ESYT2: variants seen among roughly 807,000 people sequenced by gnomAD.
The protein encoded by ESYT2 is extended synaptotagmin 2.
ESYT2 carries 54 observed loss-of-function variants against 107.2 expected under a neutral mutation model. That is an observed-to-expected ratio of 0.50 (90% confidence interval 0.40 to 0.63). ESYT2 has a LOEUF of 0.63. ESYT2 is among the 30% of genes least tolerant of loss of function. ESYT2 has a pLI of 0.00. For synonymous variants in ESYT2, 491 were observed against 434.1 expected (o/e 1.13, Z -1.63); for missense variants, 1,020 against 1,094.5 (o/e 0.93, Z 0.96).
intron 21 of ESYT2, among the ~76,000 whole-genome samples, chr7:158,734,672 C>T (rs1420032613): frequency 6.6e-6 from 1 of 152,206 alleles, no homozygotes; most frequent in East Asian, 1.9e-4. Context: ...GCACCTTGGT[C>T]CCAGCAACTC....
intron 14 of ESYT2, 139 bp from the exon 15 acceptor site, chr7:158,749,862 T>C (rs1394946770): frequency 2.6e-6 from 2 of 759,906 alleles, no homozygotes; most frequent in South Asian, 1.9e-5. Context: ...GGGAACAATT[T>C]AATGGGAAAA....
chr7:158,758,731 A>G (rs1019423664), intron 13 of ESYT2, among the ~76,000 whole-genome samples: 1 of 152,184 alleles, frequency 6.6e-6, no homozygotes, highest in Non-Finnish European at 1.5e-5. Context: ...ATCATCAAAC[A>G]AGATGACATG....
chr7:158,766,631 T>C (rs1838174113), intron 8 of ESYT2, among the ~76,000 whole-genome samples: 1 of 152,228 alleles, frequency 6.6e-6, no homozygotes, highest in African/African-American at 2.4e-5. Flanking sequence ...TATTTAGATC[T>C]AATTAAACCA....
chr7:158,761,554 TAAC>T lies in ESYT2; in HGVS notation c.1185-13_1185-11del. 2.5e-6 allele frequency: 4 copies of T among 1,611,814 alleles called. No individual in the cohort carries two copies. Among genetic ancestry groups the T allele is most frequent in the Non-Finnish European group, 3.4e-6 (4 of 1,178,206 alleles). ...GAGGTCAATCATAAGACTATAAAAA[TAAC>T]AATACGACAACTTTAGAACATAGAA... On this transcript the variant is annotated splice_polypyrimidine_tract_variant and intron_variant, in intron 10 of 22. Coordinates refer to ENST00000275418, the MANE Select transcript of ESYT2 (RefSeq NM_001367773.1).
At chr7:158,742,005 T>A in intron 17 of ESYT2, 109 bp from the exon 18 acceptor site, 1 of 1,347,626 alleles carries the variant, frequency 7.4e-7, no homozygotes, top group Non-Finnish European at 1.0e-6. Flanking sequence ...AAAACTTAGC[T>A]CAAAAAAAAA....
chr7:158,785,933 C>A (rs1839098366), intron 6 of ESYT2, among the ~76,000 whole-genome samples: 1 of 152,140 alleles, frequency 6.6e-6, no homozygotes. Flanking sequence ...AAAAAACCCA[C>A]AAAATAAAAA....
chr7:158,781,251 C>A (rs1838783508), intron 6 of ESYT2, among the ~76,000 whole-genome samples: 1 of 151,210 alleles, frequency 6.6e-6, no homozygotes, highest in African/African-American at 2.4e-5. Flanking sequence ...GAGTGAGAAC[C>A]AGTGTGAGTG....
intron 3 of ESYT2, among the ~76,000 whole-genome samples, chr7:158,795,059 A>C (rs1382249844): frequency 6.6e-6 from 1 of 152,212 alleles, no homozygotes; most frequent in African/African-American, 2.4e-5. Flanking sequence ...AATGACGTGG[A>C]GATGAGGGGA....
intron 3 of ESYT2, among the ~76,000 whole-genome samples, chr7:158,797,053 CAG>C (rs201353359): frequency 0.16 from 1,401 of 8,864 alleles, 52 homozygotes; most frequent in East Asian, 0.47. Context: ...AGCCTCCCGA[CAG>C]AGACGGGAAA....
rs546627698 is a variant in ESYT2 at position 158,734,261 on chromosome 7, G to C, written c.2556-9C>G. On this transcript the variant is annotated splice_polypyrimidine_tract_variant and intron_variant, in intron 22 of 22. Coordinates refer to ENST00000275418, the MANE Select transcript of ESYT2 (RefSeq NM_001367773.1). ...CTTCCGTGAGGTCATACCTGAGAAA[G>C]ACAGTGACAGGAAGGTGGTGACGGA... 7.4e-6 allele frequency: 12 copies of C among 1,614,122 alleles called. No homozygotes were observed. The African/African-American group carries it at 1.5e-4, about 20-fold the overall frequency.
intron 6 of ESYT2, among the ~76,000 whole-genome samples, chr7:158,785,475 C>A (rs548000416): frequency 0.01 from 1,483 of 144,036 alleles, 28 homozygotes; most frequent in African/African-American, 0.038. Context: ...ATAAATAAAT[C>A]ACCTCCAGTG....
At chr7:158,808,565 C>A (rs555622978) in intron 1 of ESYT2, among the ~76,000 whole-genome samples, 6 of 152,280 alleles carry the variant, frequency 3.9e-5, no homozygotes, top group African/African-American at 1.4e-4. Context: ...GATGTAAGAA[C>A]GAATCTTCCA....
At chr7:158,765,139 G>A (rs1297953115) in intron 8 of ESYT2, among the ~76,000 whole-genome samples, 1 of 152,036 alleles carries the variant, frequency 6.6e-6, no homozygotes. Flanking sequence ...GAGACACGAG[G>A]ACAGACAGCC....
At chr7:158,759,707 C>T (rs896860) in intron 12 of ESYT2, 126 bp from the exon 13 acceptor site, 594,687 of 704,890 alleles carry the variant, frequency 0.84, 254,034 homozygotes, top group Non-Finnish European at 0.89. Context: ...ATCCATGCAA[C>T]AGAGACAGAA....
intron 6 of ESYT2, among the ~76,000 whole-genome samples, chr7:158,780,559 G>A (rs1838739033): frequency 6.6e-6 from 1 of 152,184 alleles, no homozygotes; most frequent in East Asian, 1.9e-4. Context: ...ACCTCAAAAA[G>A]AATATTAACT....
chr7:158,827,517 G>C (rs1840491902), intron 1 of ESYT2: 1 of 152,072 alleles, frequency 6.6e-6, no homozygotes, highest in South Asian at 2.1e-4. Flanking sequence ...CCCGCCGCTA[G>C]CTAAAAGCTG....
chr7:158,792,764 GTTTTT>G (rs35348712), intron 4 of ESYT2, among the ~76,000 whole-genome samples: 1 of 117,782 alleles, frequency 8.5e-6, no homozygotes, highest in African/African-American at 3.3e-5. Flanking sequence ...ATAACGTGGG[GTTTTT>G]TTTTTTTTTT....
At position 158,788,325 on chromosome 7, in the gene ESYT2, C is replaced by CA. The variant is rs772962085; in HGVS notation, c.657+19dup. 297 of 1,588,584 alleles carry CA rather than the reference C, an allele frequency of 1.9e-4. No homozygotes were observed. The highest frequency in any genetic ancestry group is 2.8e-4 in the Admixed American group (15 of 53,358). On this transcript the variant is annotated intron_variant, in intron 5 of 22. Coordinates refer to ENST00000275418, the MANE Select transcript of ESYT2 (RefSeq NM_001367773.1). ...ACTTTAGAAAACTGTCAAATTAAAA[C>CA]AAAAAAACAAAAAACTTACCTGGAT... is the stretch of plus-strand genomic sequence containing the variant.
chr7:158,790,714 G>C (rs1839260035), intron 4 of ESYT2, among the ~76,000 whole-genome samples: 1 of 152,144 alleles, frequency 6.6e-6, no homozygotes, highest in Non-Finnish European at 1.5e-5. Flanking sequence ...ATCACTTGAG[G>C]TCAGGAGTTT....
Sources: allele counts gnomAD v4.1 joint callset (sites outside exome capture counted in the v4.1 genomes callset), GRCh38; gene constraint gnomAD v4.1.1; transcripts MANE v1.5; gene names NCBI Gene and HGNC (gene_info 2026-07-23, HGNC 2026-07-21).